SLC18B1: variants seen among roughly 807,000 people sequenced by gnomAD.
SLC18B1 encodes MFS-type transporter SLC18B1.
In SLC18B1, 62 loss-of-function variants were observed where a neutral mutation model predicts 53.9. The observed-to-expected ratio is 1.15, with a 90% CI of 0.94 to 1.42. The LOEUF (loss-of-function observed/expected upper bound fraction) is 1.42. Ranked by LOEUF, SLC18B1 falls within the 40% of genes most tolerant of loss-of-function variation. The probability of loss-of-function intolerance (pLI) is 0.00; values close to 1 mark genes in which losing one functional copy is unlikely to be tolerated. For missense variants in SLC18B1, 598 were observed against 547.3 expected (o/e 1.09, Z -0.93); for synonymous variants, 217 against 200.9 (o/e 1.08, Z -0.68).
intron 6 of SLC18B1, 96 bp from the exon 7 acceptor site, chr6:132,779,500 G>A: frequency 2.3e-6 from 3 of 1,331,772 alleles, no homozygotes; most frequent in Non-Finnish European, 3.1e-6. Flanking sequence ...ATCTTTATCT[G>A]GTAATCAAAA....
intron 9 of SLC18B1, 37 bp downstream of exon 9, chr6:132,774,185 T>C (rs1781044421): frequency 6.6e-7 from 1 of 1,520,900 alleles, no homozygotes; most frequent in African/African-American, 1.4e-5. Flanking sequence ...ATTCCTAATG[T>C]TATTTGGCCA....
intron 5 of SLC18B1, among the ~76,000 whole-genome samples, chr6:132,785,897 C>CAAAAAAAAAAAAAAAAAAAAA (rs71545048): frequency 1.8e-4 from 15 of 81,144 alleles, no homozygotes; most frequent in African/African-American, 3.1e-4. Flanking sequence ...CCTGTCTCTA[C>CAAAAAAAAAAAAAAAAAAAAA]AAAAAAAAAA....
chr6:132,777,019 A>G (rs541135221), intron 7 of SLC18B1, among the ~76,000 whole-genome samples: 145 of 152,186 alleles, frequency 9.5e-4, no homozygotes, highest in Non-Finnish European at 1.7e-3. Flanking sequence ...CAGGAGTTTG[A>G]GACAAGCCTG....
intron 12 of SLC18B1, 33 bp from the exon 13 acceptor site, chr6:132,770,972 A>T (rs372259359): frequency 6.2e-7 from 1 of 1,611,902 alleles, no homozygotes; most frequent in South Asian, 1.1e-5. Context: ...GATTAATGTA[A>T]ATTTTCCAAG....
chr6:132,772,632 A>C (rs1031060805), intron 10 of SLC18B1, among the ~76,000 whole-genome samples: 1 of 152,192 alleles, frequency 6.6e-6, no homozygotes, highest in African/African-American at 2.4e-5. Flanking sequence ...ATTAAACAAA[A>C]GAATGATGAC....
intron 5 of SLC18B1, among the ~76,000 whole-genome samples, chr6:132,785,956 G>T (rs953300214): frequency 1.3e-5 from 2 of 149,082 alleles, no homozygotes; most frequent in Non-Finnish European, 3.0e-5. Context: ...AAAAAAAATG[G>T]TTCCATAGTT....
intron 9 of SLC18B1, 29 bp downstream of exon 9, chr6:132,774,193 C>A (rs751283976): frequency 6.5e-7 from 1 of 1,546,440 alleles, no homozygotes; most frequent in South Asian, 1.2e-5. Flanking sequence ...TGTTATTTGG[C>A]CAAACATACA....
Position 132,798,624 on chromosome 6 carries a change from C to T in SLC18B1, c.-168G>A. 3 of 592,404 alleles carry T rather than the reference C, an allele frequency of 5.1e-6. No homozygotes were observed. The highest frequency in any genetic ancestry group is 7.6e-6 in the Non-Finnish European group (3 of 392,896). 36.7% of individuals were successfully genotyped at this position (592,404 alleles called of 1,614,324 possible). On this transcript the variant is annotated 5_prime_UTR_variant, in exon 1 of 14. Transcript: ENST00000275227. The stretch of plus-strand genomic sequence containing the variant: ...CCGCCCGGCCCGGAGCTCCCCAAAG[C>T]CTTCCAGGACTCTGGGTCCCCGGGA...
chr6:132,788,199 A>G (rs1781433805), intron 4 of SLC18B1, among the ~76,000 whole-genome samples: 1 of 151,700 alleles, frequency 6.6e-6, no homozygotes, highest in Non-Finnish European at 1.5e-5. Flanking sequence ...GAAAAAGAAA[A>G]CACATAGCAA....
At position 132,797,113 on chromosome 6, in the gene SLC18B1, G is replaced by C. The variant is rs777579812; in HGVS notation, c.52C>G (p.Pro18Ala). The stretch of plus-strand genomic sequence containing the variant: ...GGGGTCTCTCCTGCACTTCCTGCAG[G>C]ATCATCACCTTGAATGCAAACATGC... ...EGPRAPGGDDPAGSAGETPGW... is the reference protein window; with the variant it reads ...EGPRAPGGDDAAGSAGETPGW... Residue 18 changes from proline (P) to alanine (A), a missense_variant, in exon 2 of 14, where the codon CCT (proline) becomes GCT (alanine). Coordinates refer to ENST00000275227, the MANE Select transcript of SLC18B1 (RefSeq NM_052831.3). 3.7e-6 allele frequency: 6 copies of C among 1,613,036 alleles called. No individual in the cohort carries two copies. In the South Asian group the frequency reaches 4.4e-5, roughly 12 times the overall value.
intron 5 of SLC18B1, among the ~76,000 whole-genome samples, chr6:132,785,128 T>G (rs1206157440): frequency 8.4e-6 from 1 of 118,744 alleles, no homozygotes; most frequent in Non-Finnish European, 1.6e-5. Context: ...AGTGTGTGTG[T>G]GTGTGTGTGT....
intron 1 of SLC18B1, among the ~76,000 whole-genome samples, chr6:132,797,663 C>G (rs1438654426): frequency 6.6e-6 from 1 of 152,094 alleles, no homozygotes; most frequent in South Asian, 2.1e-4. Context: ...ATTTCTAAGG[C>G]AGTATTGAAG....
chr6:132,778,961 A>C (rs1215656657), intron 7 of SLC18B1, among the ~76,000 whole-genome samples: 2 of 152,226 alleles, frequency 1.3e-5, no homozygotes, highest in Admixed American at 1.3e-4. Context: ...TCAAACAAAT[A>C]GAGGAAAAGT....
At position 132,798,400 on chromosome 6, in the gene SLC18B1, C is replaced by A; in HGVS notation, c.43+14G>T. 6.6e-7 allele frequency: 1 copy of A among 1,522,936 alleles called. No homozygotes were observed. 94.3% of individuals were successfully genotyped at this position (1,522,936 alleles called of 1,614,324 possible). On this transcript the variant is annotated intron_variant, in intron 1 of 13. Transcript: ENST00000275227. ...GCTGGTCTCCGGGCTCCCGGCCACGCAATTCATGGTCACCTCCTGGTGCGC... is the reference window on the plus strand; with the variant it reads ...GCTGGTCTCCGGGCTCCCGGCCACGAAATTCATGGTCACCTCCTGGTGCGC...
chr6:132,787,324 G>A (rs1390712572), intron 5 of SLC18B1, 110 bp downstream of exon 5: 3 of 1,076,238 alleles, frequency 2.8e-6, no homozygotes, highest in African/African-American at 1.7e-5. Context: ...CAATAATACA[G>A]AGAGTAGAGA....
intron 13 of SLC18B1, 22 bp from the exon 14 acceptor site, chr6:132,770,358 A>G (rs1298352357): frequency 6.3e-7 from 1 of 1,576,214 alleles, no homozygotes; most frequent in Non-Finnish European, 8.7e-7. Flanking sequence ...GAAAGAAGAG[A>G]TGAATCTCAA....
intron 2 of SLC18B1, among the ~76,000 whole-genome samples, chr6:132,790,537 C>A (rs1781495668): frequency 1.3e-5 from 2 of 152,124 alleles, no homozygotes; most frequent in Admixed American, 1.3e-4. Flanking sequence ...AAGTCAGAAT[C>A]AGAGTGTATA....
intron 2 of SLC18B1, among the ~76,000 whole-genome samples, chr6:132,795,910 G>A (rs746340644): frequency 2.0e-5 from 3 of 152,194 alleles, no homozygotes; most frequent in Non-Finnish European, 4.4e-5. Context: ...AGTCAAAAGA[G>A]GGAATATGGA....
chr6:132,779,355 T>C lies in SLC18B1; in HGVS notation c.708A>G (p.Lys236=). The change falls in exon 7 of 14, where the codon AAA becomes AAG. Residue 236 remains lysine, a synonymous_variant. Transcript: ENST00000275227. ...HSFWKLIALP[K]VGLIAFVINS... Reference sequence around the variant, plus strand: ...TGATGACGAAGGCTATAAGGCCAACTTTGGGTAAAGCGATCAGTTTCCAGA... The same window carrying C: ...TGATGACGAAGGCTATAAGGCCAACCTTGGGTAAAGCGATCAGTTTCCAGA... The C allele has an allele frequency of 4.3e-6, 7 of 1,613,882 alleles. No homozygotes were observed. Among genetic ancestry groups the C allele is most frequent in the Non-Finnish European group, 5.9e-6 (7 of 1,179,872 alleles).
Sources: gnomAD v4.1 joint callset for allele counts (sites outside exome capture counted in the v4.1 genomes callset) on GRCh38, gnomAD v4.1.1 for gene constraint, MANE v1.5 for transcripts, NCBI Gene and HGNC (gene_info 2026-07-23, HGNC 2026-07-21) for gene names.